The following UBN2 variants were observed in gnomAD, a reference collection of about 807,000 sequenced individuals.
The protein encoded by UBN2 is ubinuclein 2, also known as ubinuclein-2.
A neutral mutation model predicts 120.2 loss-of-function variants in UBN2; 35 were observed. The observed-to-expected ratio is 0.29, with a 90% CI of 0.22 to 0.39. The LOEUF is 0.39. Among genes scored for constraint, UBN2 ranks in the 10% least tolerant of loss-of-function variants. UBN2 has a pLI of 1.00. For synonymous variants in UBN2, 661 were observed against 648.7 expected (o/e 1.02, Z -0.29); for missense variants, 1,693 against 1,663.2 (o/e 1.02, Z -0.31).
intron 2 of UBN2, among the ~76,000 whole-genome samples, chr7:139,244,563 C>A (rs1796411964): frequency 6.6e-6 from 1 of 152,080 alleles, no homozygotes; most frequent in Admixed American, 6.6e-5. Context: ...TTATTAAAAA[C>A]AAATTCAAAT....
At chr7:139,272,619 C>T (rs1206751089) in intron 9 of UBN2, among the ~76,000 whole-genome samples, 179 bp downstream of exon 9, 5 of 152,060 alleles carry the variant, frequency 3.3e-5, no homozygotes, top group Admixed American at 6.6e-5. Flanking sequence ...CTCCGCCTCC[C>T]GGGTTCAAGC....
rs1156624897 is a variant in UBN2, at chr7:139,283,656, C to T, written c.2751C>T (p.Ala917=). 6.2e-7 allele frequency: 1 copy of T among 1,614,160 alleles called. No homozygotes were observed. Among genetic ancestry groups the T allele is most frequent in the East Asian group, 2.2e-5 (1 of 44,872 alleles). The change falls in exon 15 of 18, where the codon GCC becomes GCT. Residue 917 remains alanine (A), a synonymous_variant. Coordinates refer to ENST00000473989, the MANE Select transcript of UBN2 (RefSeq NM_173569.4). ...ASSHALGTSE[A]QDASSLTQVT... is the part of the protein sequence containing the mutation. ...CTCATGCTCTGGGAACATCCGAGGC[C>T]CAAGATGCTTCTTCGTTAACACAAG... is the stretch of plus-strand genomic sequence containing the variant.
At chr7:139,288,010 AT>A (rs1797841173) in intron 15 of UBN2, among the ~76,000 whole-genome samples, 1 of 152,186 alleles carries the variant, frequency 6.6e-6, no homozygotes, top group Non-Finnish European at 1.5e-5. Flanking sequence ...TTTCTGTTTA[AT>A]AACTTTCCAC....
chr7:139,283,913 C>T lies in UBN2; in HGVS notation c.3008C>T (p.Thr1003Ile), dbSNP rs1174271397. The stretch of plus-strand genomic sequence containing the variant: ...GGGTCCCACCCCCTGGTTTCTAGGA[C>T]AGTACCTAGCACCACTACCTCCAGT... ...SQGSHPLVSR[T>I]VPSTTTSSNY... Residue 1003 changes from threonine (T) to isoleucine (I), a missense_variant, in exon 15 of 18, where the codon ACA becomes ATA. Around this residue, in one of 5 missense-constraint regions of UBN2, gnomAD observed 837 missense variants for 817.6 expected, o/e 1.02. Coordinates refer to ENST00000473989, the MANE Select transcript of UBN2 (RefSeq NM_173569.4). 2 of 1,614,118 alleles carry T rather than the reference C, an allele frequency of 1.2e-6. No homozygotes were observed. Among genetic ancestry groups the T allele is most frequent in the Non-Finnish European group, 8.5e-7 (1 of 1,180,008 alleles).
chr7:139,286,758 CTGTCTCCTATTTATGTGGAACAG>C (rs1471451541), intron 15 of UBN2, among the ~76,000 whole-genome samples: 1 of 152,112 alleles, frequency 6.6e-6, no homozygotes, highest in Non-Finnish European at 1.5e-5. Flanking sequence ...GCTCTTTGTA[CTGTCTCCTATTTATGTGGAACAG>C]GAACATGTAA....
Position 139,284,403 on chromosome 7 carries a change from T to A in UBN2, c.3498T>A (p.Ile1166=). 1.2e-6 allele frequency: 2 copies of A among 1,614,164 alleles called. No individual in the cohort carries two copies. Among genetic ancestry groups the A allele is most frequent in the Non-Finnish European group, 1.7e-6 (2 of 1,180,036 alleles). The change falls in exon 15 of 18, where the codon ATT becomes ATA. Residue 1166 remains isoleucine, a synonymous_variant. Transcript: ENST00000473989. ...TTGGGAAGAACAGCTTGAGTGGAAT[T>A]GCAATGAATGTACCTGCCAGCAGAG... The part of the protein sequence containing the change: ...GTVGKNSLSG[I]AMNVPASRGS...
chr7:139,321,033 G>A, the UBN2 span, among the ~76,000 whole-genome samples: 3 of 152,310 alleles, frequency 2.0e-5, no homozygotes, highest in East Asian at 5.8e-4. Flanking sequence ...GCGTGAGGAA[G>A]GGGTTACTTT....
In UBN2 at chr7:139,278,391, A is replaced by C. The variant is rs1357580049; in HGVS notation, c.2025-927A>C. On this transcript the variant is annotated intron_variant, in intron 12 of 17. Transcript: ENST00000473989. ...GAGACAGGGTTTCACCATGTTGGCCAGGCTGGTCTCAAACTCCTGGCCTCA... is the reference window on the plus strand; with the variant it reads ...GAGACAGGGTTTCACCATGTTGGCCCGGCTGGTCTCAAACTCCTGGCCTCA... Among the ~76,000 whole-genome samples the C allele has an allele frequency of 3.3e-5, 5 of 152,206 alleles. No homozygotes were observed. In the East Asian group the frequency reaches 9.7e-4, roughly 29 times the overall value.
At chr7:139,290,116 C>T (rs549676962) in intron 15 of UBN2, among the ~76,000 whole-genome samples, 71 of 151,890 alleles carry the variant, frequency 4.7e-4, no homozygotes, top group Admixed American at 1.2e-3. Context: ...TAGTAGAGAC[C>T]GGGGTTAGTA....
chr7:139,231,902 A>C lies in UBN2; in HGVS notation c.418A>C (p.Ser140Arg). 6.3e-7 allele frequency: 1 copy of C among 1,587,166 alleles called. No individual in the cohort carries two copies. Among genetic ancestry groups the C allele is most frequent in the South Asian group, 1.1e-5 (1 of 90,720 alleles). ...GGTGCTTAAGGACCCCACCGACGAG[A>C]GCTGCGTGGAGTTCAGTTACCCGGA... ...ELVLKDPTDE[S>R]CVEFSYPELL... The change falls in exon 1 of 18, where the codon AGC (serine) becomes CGC (arginine). Residue 140 changes from serine (S) to arginine (R), a missense_variant. Around this residue, in one of 5 missense-constraint regions of UBN2, gnomAD observed 663 missense variants for 591.2 expected, o/e 1.12. Transcript: ENST00000473989.
chr7:139,279,236 C>T (rs1797532625), intron 12 of UBN2, 82 bp from the exon 13 acceptor site: 1 of 1,068,822 alleles, frequency 9.4e-7, no homozygotes, highest in African/African-American at 1.6e-5. Flanking sequence ...AATTATTTAC[C>T]ACATAATTAC....
intron 1 of UBN2, among the ~76,000 whole-genome samples, chr7:139,236,176 A>G (rs1213132175): frequency 2.6e-5 from 4 of 152,330 alleles, no homozygotes; most frequent in Non-Finnish European, 5.9e-5. Context: ...GTTTTGTTAA[A>G]TAGATGGTTA....
Position 139,259,352 on chromosome 7 carries a change from A to G in UBN2, c.887A>G (p.Lys296Arg), listed in dbSNP as rs1325985324. 2 of 1,613,974 alleles carry G rather than the reference A, an allele frequency of 1.2e-6. No individual in the cohort carries two copies. The highest frequency in any genetic ancestry group is 1.7e-6 in the Non-Finnish European group (2 of 1,179,940). The stretch of plus-strand genomic sequence containing the variant: ...GAAAAGGAGAAGAAGCCAAGGAAAA[A>G]AGTTCCCAAACAACTGGGGTACGTT... Reference protein sequence around the residue: ...EGEKEKKPRKKVPKQLGVVAL... With the variant: ...EGEKEKKPRKRVPKQLGVVAL... The change falls in exon 5 of 18, where the codon AAA (lysine) becomes AGA (arginine). Residue 296 changes from lysine (K) to arginine (R), a missense_variant. Lys to Arg is a conservative substitution (Grantham distance 26). Coordinates refer to ENST00000473989, the MANE Select transcript of UBN2 (RefSeq NM_173569.4).
At chr7:139,313,935 G>A in the UBN2 span, among the ~76,000 whole-genome samples, 1,334 of 150,266 alleles carry the variant, frequency 8.9e-3, 27 homozygotes, top group African/African-American at 0.031. Context: ...TGCAACCTCC[G>A]CCTCCTGGGT....
intron 6 of UBN2, among the ~76,000 whole-genome samples, chr7:139,266,128 T>C (rs1585007359): frequency 6.7e-6 from 1 of 148,678 alleles, no homozygotes; most frequent in South Asian, 2.1e-4. Flanking sequence ...CAGTGGTACA[T>C]ACCTGTAATC....
intron 6 of UBN2, among the ~76,000 whole-genome samples, chr7:139,264,565 C>G (rs1797035427): frequency 6.6e-6 from 1 of 151,904 alleles, no homozygotes; most frequent in Non-Finnish European, 1.5e-5. Flanking sequence ...TTTTTTTGAC[C>G]TACACTATTT....
rs201140403 is a variant in UBN2 at position 139,273,918 on chromosome 7, T to G, written c.1830-13T>G. 1.2e-5 allele frequency: 18 copies of G among 1,564,552 alleles called. No individual in the cohort carries two copies. Among genetic ancestry groups the G allele is most frequent in the Admixed American group, 2.1e-5 (1 of 46,852 alleles). On this transcript the variant is annotated splice_polypyrimidine_tract_variant and intron_variant, in intron 10 of 17. Transcript: ENST00000473989. ...CTAAAAAAAGTTTCAAATTTAATTT[T>G]CAATCTGTTTAGAACTTTGTTATGT... is the stretch of plus-strand genomic sequence containing the variant.
At chr7:139,297,457 A>T (rs952285750) in intron 17 of UBN2, among the ~76,000 whole-genome samples, 7 of 152,112 alleles carry the variant, frequency 4.6e-5, no homozygotes, top group African/African-American at 1.7e-4. Context: ...CGGAGGTAGG[A>T]ATTGTGTCTT....
At chr7:139,286,780 A>G (rs901897890) in intron 15 of UBN2, among the ~76,000 whole-genome samples, 1 of 152,254 alleles carries the variant, frequency 6.6e-6, no homozygotes. Context: ...TATGTGGAAC[A>G]GGAACATGTA....
Sources: gnomAD v4.1 joint callset for allele counts (sites outside exome capture counted in the v4.1 genomes callset) on GRCh38, gnomAD v4.1.1 for gene constraint, gnomAD v4.1.1 regional missense constraint, MANE v1.5 for transcripts, NCBI Gene and HGNC (gene_info 2026-07-23, HGNC 2026-07-21) for gene names.